The following PIAS2 variants were observed in gnomAD, a reference collection of about 807,000 sequenced individuals.
PIAS2 encodes the protein E3 SUMO-protein ligase PIAS2.
A neutral mutation model predicts 69.7 loss-of-function variants in PIAS2; 19 were observed. The ratio of observed to expected loss-of-function variants is 0.27; its 90% confidence interval spans 0.19 to 0.40. The LOEUF (loss-of-function observed/expected upper bound fraction) is 0.40, where lower values mean the gene tolerates loss of function less well. Ranked by LOEUF, PIAS2 falls within the 10% of genes least tolerant of loss-of-function variation. PIAS2 has a pLI of 1.00. For synonymous variants in PIAS2, 261 were observed against 263.2 expected, an observed-to-expected ratio of 0.99 and a Z score of 0.08; for missense variants, 624 against 757.0, an observed-to-expected ratio of 0.82 and a Z score of 2.06.
In PIAS2 at chr18:46,902,869, T is replaced by C. The variant is rs147206849; in HGVS notation, c.25-11815A>G. Among the ~76,000 whole-genome samples the C allele has an allele frequency of 3.7e-4, 57 of 152,260 alleles. No individual in the cohort carries two copies. The East Asian group carries it at 9.8e-3, about 26-fold the overall frequency. ...TGGTATTAGTGGAAGGGTAGACACA[T>C]AGATCAAGCAAAGAGAATACAGAAC... On this transcript the variant is annotated intron_variant, in intron 1 of 13. Coordinates refer to ENST00000585916, the MANE Select transcript of PIAS2 (RefSeq NM_004671.5).
At chr18:46,902,033 A>G (rs888790724) in intron 1 of PIAS2, among the ~76,000 whole-genome samples, 3 of 152,210 alleles carry the variant, frequency 2.0e-5, no homozygotes, top group Non-Finnish European at 4.4e-5. Flanking sequence ...CAAATCTACA[A>G]AACAACTCCT....
chr18:46,879,618 T>C (rs1420148002), intron 2 of PIAS2, among the ~76,000 whole-genome samples: 2 of 152,176 alleles, frequency 1.3e-5, no homozygotes, highest in Non-Finnish European at 2.9e-5. Context: ...CTCACAGTCA[T>C]AGCAGCATCA....
In PIAS2 at chr18:46,814,706, C is replaced by A. The variant is rs562797628; in HGVS notation, c.1686+606G>T. On this transcript the variant is annotated intron_variant, in intron 13 of 13. Transcript: ENST00000585916. ...TATGTCATTTTCTCCCTTCACTTTT[C>A]TCATGCCTTCTCCTCCTCTGCTCTG... 6.6e-5 allele frequency among the ~76,000 whole-genome samples: 10 copies of A among 152,312 alleles called. No homozygotes were observed. In the South Asian group the frequency reaches 2.1e-3, roughly 32 times the overall value.
At chr18:46,849,229 C>T (rs1465501545) in intron 5 of PIAS2, among the ~76,000 whole-genome samples, 1 of 152,102 alleles carries the variant, frequency 6.6e-6, no homozygotes, top group Non-Finnish European at 1.5e-5. Flanking sequence ...TTTAGTCTCA[C>T]TCAGCATAAA....
intron 12 of PIAS2, chr18:46,816,047 G>T: frequency 1.0e-6 from 1 of 983,830 alleles, no homozygotes; most frequent in Non-Finnish European, 1.2e-6. Flanking sequence ...AAATTTTTAG[G>T]TCTGAAAAGT....
chr18:46,907,127 G>A (rs1251868683), intron 1 of PIAS2, among the ~76,000 whole-genome samples: 1 of 152,130 alleles, frequency 6.6e-6, no homozygotes, highest in Non-Finnish European at 1.5e-5. Context: ...AAGTCCAGCA[G>A]AACTCTGAAT....
Position 46,811,348 on chromosome 18 carries a change from T to C in PIAS2, c.*1085A>G, listed in dbSNP as rs764930048. The C allele has an allele frequency of 1.8e-4, 28 of 152,164 alleles. No individual in the cohort carries two copies. The highest frequency in any genetic ancestry group is 3.7e-4 in the Non-Finnish European group (25 of 68,022). 9.4% of individuals were successfully genotyped at this position (152,164 alleles called of 1,614,324 possible). A position where few individuals can be genotyped will look rare whatever the true frequency, so the allele number is the denominator to read the frequency against. On this transcript the variant is annotated 3_prime_UTR_variant, in exon 14 of 14. Transcript: ENST00000585916. ...ACTGAAATTACATTGGTGAGAAATA[T>C]GATCATCATAAATCTAAAACACATT...
At chr18:46,843,266 A>G (rs1327443974) in intron 8 of PIAS2, among the ~76,000 whole-genome samples, 9 of 152,220 alleles carry the variant, frequency 5.9e-5, no homozygotes, top group African/African-American at 2.2e-4. Flanking sequence ...ATTTCTCCCC[A>G]TTTAAAAAAC....
At chr18:46,910,305 A>G (rs1218061217) in intron 1 of PIAS2, among the ~76,000 whole-genome samples, 1 of 152,348 alleles carries the variant, frequency 6.6e-6, no homozygotes, top group South Asian at 2.1e-4. Context: ...TGATCAGGAA[A>G]GTGCATCCTG....
Position 46,860,345 on chromosome 18 carries a change from T to C in PIAS2, c.584+3819A>G, listed in dbSNP as rs113946841. On this transcript the variant is annotated intron_variant, in intron 3 of 13. Coordinates refer to ENST00000585916, the MANE Select transcript of PIAS2 (RefSeq NM_004671.5). ...AAGAAGCAATCATCCGAATCCAGAA[T>C]GTACAATATGCTAGATCAAATAGAT... is the stretch of plus-strand genomic sequence containing the variant. Among the ~76,000 whole-genome samples the C allele has an allele frequency of 3.3e-5, 5 of 152,332 alleles. 1 individual carries two copies. Among genetic ancestry groups the C allele is most frequent in the African/African-American group, 1.2e-4 (5 of 41,582 alleles).
chr18:46,840,658 C>T (rs2045244128), intron 8 of PIAS2, among the ~76,000 whole-genome samples: 1 of 152,116 alleles, frequency 6.6e-6, no homozygotes. Flanking sequence ...ATGAGCATTT[C>T]CTAAGAAGGA....
intron 9 of PIAS2, among the ~76,000 whole-genome samples, chr18:46,833,766 G>C (rs1404142909): frequency 1.3e-5 from 2 of 152,134 alleles, no homozygotes; most frequent in African/African-American, 4.8e-5. Context: ...GTAATACTTT[G>C]ATCAATGGAA....
intron 2 of PIAS2, among the ~76,000 whole-genome samples, chr18:46,876,294 T>C (rs1163183934): frequency 6.6e-6 from 1 of 152,256 alleles, no homozygotes; most frequent in Non-Finnish European, 1.5e-5. Flanking sequence ...TAGATGCCAC[T>C]GGAGTCCCGA....
rs768157213 is a variant in PIAS2 at position 46,864,171 on chromosome 18, T to C, written c.577A>G (p.Ile193Val). ...TCCAAATATTCCTCTTACCTGGATA[T>C]GCATATCTCTCTAACTTGTTGAGGT... ...LTPQQVREIC[I>V]SRDFLPGGRR... is the part of the protein sequence containing the mutation. Residue 193 changes from isoleucine to valine, a missense_variant, in exon 3 of 14, where the codon ATA becomes GTA. Around this residue, in one of 3 missense-constraint regions of PIAS2, gnomAD observed 339 missense variants for 408.8 expected, o/e 0.83. Transcript: ENST00000585916. 1.9e-6 allele frequency: 3 copies of C among 1,541,646 alleles called. No homozygotes were observed. The highest frequency in any genetic ancestry group is 2.2e-5 in the East Asian group (1 of 44,456).
intron 1 of PIAS2, chr18:46,908,035 C>G (rs779085786): frequency 6.6e-6 from 1 of 152,238 alleles, no homozygotes; most frequent in Middle Eastern, 3.4e-3. Context: ...TCTTTCTTGA[C>G]CTGCACGATT....
chr18:46,857,299 CAA>C (rs2047986343), intron 3 of PIAS2, among the ~76,000 whole-genome samples: 1 of 152,106 alleles, frequency 6.6e-6, no homozygotes, highest in Admixed American at 6.5e-5. Flanking sequence ...GTATTTGCTT[CAA>C]AGGATTTATA....
At chr18:46,888,157 C>A (rs1239294252) in intron 2 of PIAS2, among the ~76,000 whole-genome samples, 1 of 151,990 alleles carries the variant, frequency 6.6e-6, no homozygotes, top group Non-Finnish European at 1.5e-5. Context: ...AAATGAAAAC[C>A]TGTACAATAA....
At chr18:46,833,063 T>C (rs2043908457) in intron 9 of PIAS2, among the ~76,000 whole-genome samples, 1 of 152,142 alleles carries the variant, frequency 6.6e-6, no homozygotes, top group Non-Finnish European at 1.5e-5. Flanking sequence ...GGCATTCTAC[T>C]CCTAAGTATT....
intron 2 of PIAS2, among the ~76,000 whole-genome samples, chr18:46,864,612 A>G (rs1287907352): frequency 1.3e-5 from 2 of 152,088 alleles, no homozygotes; most frequent in African/African-American, 4.8e-5. Context: ...CTCTACTAAA[A>G]ATATAAAATT....
Sources: allele counts gnomAD v4.1 joint callset (sites outside exome capture counted in the v4.1 genomes callset), GRCh38; gene constraint gnomAD v4.1.1; regional missense constraint gnomAD v4.1.1; transcripts MANE v1.5; gene names NCBI Gene and HGNC (gene_info 2026-07-23, HGNC 2026-07-21).